The following NEDD4L variants were observed in gnomAD, a reference collection of about 807,000 sequenced individuals.
The protein encoded by NEDD4L is NEDD4 like E3 ubiquitin protein ligase.
Under a neutral mutation model 148.9 loss-of-function variants are expected in NEDD4L, and 54 were observed. The ratio of observed to expected loss-of-function variants is 0.36; its 90% confidence interval spans 0.29 to 0.45. The LOEUF (loss-of-function observed/expected upper bound fraction) is 0.45, where lower values mean the gene tolerates loss of function less well. Ranked by LOEUF, NEDD4L falls within the 20% of genes least tolerant of loss-of-function variation. The probability of loss-of-function intolerance (pLI) is 1.00; values close to 1 mark genes in which losing one functional copy is unlikely to be tolerated. For synonymous variants in NEDD4L, 433 were observed against 440.7 expected, an observed-to-expected ratio of 0.98 and a Z score of 0.22; for missense variants, 856 against 1,233.8, an observed-to-expected ratio of 0.69 and a Z score of 4.59.
chr18:58,260,167 T>C (rs555735746), intron 5 of NEDD4L, among the ~76,000 whole-genome samples: 2 of 152,196 alleles, frequency 1.3e-5, no homozygotes, highest in East Asian at 3.9e-4. Flanking sequence ...CGAGACTTTG[T>C]CTCAAAAAAA....
chr18:58,271,848 T>C (rs1360429512), intron 5 of NEDD4L, among the ~76,000 whole-genome samples: 1 of 152,208 alleles, frequency 6.6e-6, no homozygotes, highest in Non-Finnish European at 1.5e-5. Flanking sequence ...TTGTATGTTT[T>C]CCCAACTTAA....
chr18:58,344,096 C>G (rs1433057470), intron 16 of NEDD4L, among the ~76,000 whole-genome samples: 2 of 152,198 alleles, frequency 1.3e-5, no homozygotes, highest in African/African-American at 4.8e-5. Flanking sequence ...GTTATTGGCC[C>G]TAGCTCTTCG....
chr18:58,374,638 C>T (rs2047316019), intron 24 of NEDD4L, among the ~76,000 whole-genome samples: 3 of 151,998 alleles, frequency 2.0e-5, no homozygotes, highest in South Asian at 2.1e-4. Flanking sequence ...CTGGTGTCTC[C>T]AGCCCTGTCT....
intron 18 of NEDD4L, among the ~76,000 whole-genome samples, chr18:58,355,054 T>G (rs1027563292): frequency 2.0e-5 from 3 of 152,096 alleles, no homozygotes; most frequent in African/African-American, 7.2e-5. Context: ...GGACTCGGGC[T>G]CAAGCCACAG....
intron 1 of NEDD4L, among the ~76,000 whole-genome samples, chr18:58,102,885 A>C (rs937179835): frequency 6.6e-6 from 1 of 152,152 alleles, no homozygotes; most frequent in Non-Finnish European, 1.5e-5. Flanking sequence ...AAAATAAATA[A>C]AATATGTACT....
intron 5 of NEDD4L, among the ~76,000 whole-genome samples, chr18:58,263,155 C>T (rs1291737577): frequency 6.6e-6 from 1 of 152,138 alleles, no homozygotes; most frequent in Non-Finnish European, 1.5e-5. Context: ...TGTATTGGTT[C>T]CCTTAAGTGC....
chr18:58,335,008 C>T (rs1268268839), intron 12 of NEDD4L, among the ~76,000 whole-genome samples: 1 of 152,198 alleles, frequency 6.6e-6, no homozygotes, highest in Non-Finnish European at 1.5e-5. Flanking sequence ...GAACGAATGG[C>T]ACTTTCTCTC....
chr18:58,186,745 C>T (rs148355898), intron 2 of NEDD4L, among the ~76,000 whole-genome samples: 40 of 152,288 alleles, frequency 2.6e-4, no homozygotes, highest in Middle Eastern at 3.4e-3. Context: ...AGCTGCATTC[C>T]GGTATGCTTG....
chr18:58,193,761 T>G (rs1432288628), intron 2 of NEDD4L: 1 of 152,250 alleles, frequency 6.6e-6, no homozygotes, highest in Non-Finnish European at 1.5e-5. Context: ...CTCTCTGATT[T>G]CCAGTATATT....
intron 1 of NEDD4L, among the ~76,000 whole-genome samples, chr18:58,060,767 C>CT (rs2082296738): frequency 6.6e-6 from 1 of 151,878 alleles, no homozygotes; most frequent in Admixed American, 6.6e-5. Context: ...TGCCTGGAGA[C>CT]TTTTTTTTGA....
At chr18:58,248,414 T>C (rs968319082) in intron 3 of NEDD4L, among the ~76,000 whole-genome samples, 3 of 152,214 alleles carry the variant, frequency 2.0e-5, no homozygotes, top group African/African-American at 4.8e-5. Flanking sequence ...TTGGTCTTTT[T>C]TTTTCTTGTT....
At chr18:58,062,878 C>T (rs1438163308) in intron 1 of NEDD4L, among the ~76,000 whole-genome samples, 1 of 151,406 alleles carries the variant, frequency 6.6e-6, no homozygotes, top group Non-Finnish European at 1.5e-5. Context: ...GTCCCAGCTA[C>T]TCGGGAGTCT....
Position 58,256,056 on chromosome 18 carries a change from A to T in NEDD4L, c.297+4002A>T. The stretch of plus-strand genomic sequence containing the variant: ...ACTGCCACCACGAGGGCCTCGCCCC[A>T]GAGTGGCTCCCGGGAGCCCTCGCCG... On this transcript the variant is annotated intron_variant, in intron 5 of 30. Transcript: ENST00000400345. The surrounding 1 kb of genome is among the most constrained non-coding windows in gnomAD (Gnocchi z 5.2). 1 of 1,229,238 alleles carries T rather than the reference A, an allele frequency of 8.1e-7. No individual in the cohort carries two copies. 76.1% of individuals were successfully genotyped at this position (1,229,238 alleles called of 1,614,324 possible). A position where few individuals can be genotyped will look rare whatever the true frequency, so the allele number is the denominator to read the frequency against.
intron 1 of NEDD4L, among the ~76,000 whole-genome samples, chr18:58,161,222 G>T (rs1196292953): frequency 6.6e-6 from 1 of 151,962 alleles, no homozygotes; most frequent in African/African-American, 2.4e-5. Context: ...TAGAGACAGG[G>T]TTTTCACCAT....
chr18:58,081,883 A>G (rs980091762), intron 1 of NEDD4L, among the ~76,000 whole-genome samples: 2 of 151,822 alleles, frequency 1.3e-5, no homozygotes, highest in African/African-American at 4.8e-5. Flanking sequence ...ATTTACCTCA[A>G]TGACACCATC....
rs1019401969 is a variant in NEDD4L at position 58,329,134 on chromosome 18, T to C, written c.813+7T>C. The C allele has an allele frequency of 1.9e-6, 3 of 1,613,592 alleles. No individual in the cohort carries two copies. The highest frequency in any genetic ancestry group is 2.5e-6 in the Non-Finnish European group (3 of 1,179,770). On this transcript the variant is annotated splice_region_variant and intron_variant, in intron 10 of 30. Transcript: ENST00000400345. ...GGGCGGGGATGTCCCCGAGGTACGA[T>C]GTCCCCAGAATGGTGCAAAGCCCGG...
At chr18:58,324,907 G>T in intron 8 of NEDD4L, 89 bp from the exon 9 acceptor site, 1 of 1,244,488 alleles carries the variant, frequency 8.0e-7, no homozygotes, top group South Asian at 1.5e-5. Context: ...CCAGAGCAAG[G>T]AGAAGGGCAT....
intron 9 of NEDD4L, 144 bp downstream of exon 9, chr18:58,325,306 T>C: frequency 2.1e-6 from 2 of 963,756 alleles, no homozygotes; most frequent in Non-Finnish European, 3.0e-6. Context: ...TCCTCTCCAT[T>C]TACGTAAAGC....
intron 1 of NEDD4L, among the ~76,000 whole-genome samples, chr18:58,125,561 A>G (rs2030913376): frequency 6.6e-6 from 1 of 152,110 alleles, no homozygotes; most frequent in Admixed American, 6.5e-5. Context: ...CTCTTGCCTC[A>G]TGCCTCTGAG....
Sources: allele counts gnomAD v4.1 joint callset (sites outside exome capture counted in the v4.1 genomes callset), GRCh38; gene constraint gnomAD v4.1.1; non-coding constraint Gnocchi (gnomAD v3.1); transcripts MANE v1.5; gene names NCBI Gene and HGNC (gene_info 2026-07-23, HGNC 2026-07-21).